The following NRXN1 variants were observed in gnomAD, a reference collection of about 807,000 sequenced individuals.
NRXN1 encodes the protein neurexin-1.
Under a neutral mutation model 150.9 loss-of-function variants are expected in NRXN1, and 39 were observed. The observed-to-expected ratio is 0.26, with a 90% CI of 0.20 to 0.34. The LOEUF (loss-of-function observed/expected upper bound fraction) is 0.34, where lower values mean the gene tolerates loss of function less well. Ranked by LOEUF, NRXN1 falls within the 10% of genes least tolerant of loss-of-function variation. The probability of loss-of-function intolerance (pLI) is 1.00; values close to 1 mark genes in which losing one functional copy is unlikely to be tolerated. For missense variants in NRXN1, 1,815 were observed against 1,949.9 expected (o/e 0.93, Z 1.30); for synonymous variants, 924 against 757.0 (o/e 1.22, Z -3.62).
intron 21 of NRXN1, chr2:49,973,005 A>C (rs923419237): frequency 6.6e-6 from 1 of 152,134 alleles, no homozygotes; most frequent in Non-Finnish European, 1.5e-5. Context: ...AATTCTCCAC[A>C]GGCCTAGGGA....
rs200494288 is a variant in NRXN1 at position 51,027,917 on chromosome 2, G to A, written c.357C>T (p.Ile119=). The change falls in exon 2 of 23, where the codon ATC becomes ATT. Residue 119 remains isoleucine (I), a synonymous_variant. Coordinates refer to ENST00000401669, the MANE Select transcript of NRXN1 (RefSeq NM_001330078.2). ...VNDGAWHSVR[I]RRQFRNTTLF... is the part of the protein sequence containing the mutation. ...GCGTGGTGTTGCGGAACTGGCGGCGGATGCGCACGCTGTGCCAGGCGCCGT... is the reference window on the plus strand; with the variant it reads ...GCGTGGTGTTGCGGAACTGGCGGCGAATGCGCACGCTGTGCCAGGCGCCGT... The A allele has an allele frequency of 2.5e-6, 4 of 1,607,594 alleles. No individual in the cohort carries two copies. The highest frequency in any genetic ancestry group is 3.4e-6 in the Non-Finnish European group (4 of 1,179,680).
At chr2:50,178,595 G>A (rs2060497608) in intron 18 of NRXN1, among the ~76,000 whole-genome samples, 1 of 151,952 alleles carries the variant, frequency 6.6e-6, no homozygotes, top group Admixed American at 6.6e-5. Flanking sequence ...AGTTTACAGA[G>A]GAATTTGGAT....
chr2:50,666,958 C>T (rs746645700), intron 5 of NRXN1, among the ~76,000 whole-genome samples: 2 of 151,578 alleles, frequency 1.3e-5, no homozygotes, highest in Non-Finnish European at 2.9e-5. Flanking sequence ...AGAACACACG[C>T]ATGGCGTGGT....
At chr2:50,373,262 G>A (rs1343082596) in intron 17 of NRXN1, among the ~76,000 whole-genome samples, 2 of 148,048 alleles carry the variant, frequency 1.4e-5, no homozygotes, top group Non-Finnish European at 3.0e-5. Flanking sequence ...TAAAGACCAG[G>A]ATGTCCATAT....
At chr2:50,407,533 GC>G (rs2082836784) in intron 17 of NRXN1, among the ~76,000 whole-genome samples, 1 of 152,020 alleles carries the variant, frequency 6.6e-6, no homozygotes, top group African/African-American at 2.4e-5. Context: ...CCCCAATATG[GC>G]AATATTGAGT....
At chr2:50,535,034 T>G (rs956056141) in intron 10 of NRXN1, among the ~76,000 whole-genome samples, 3 of 152,176 alleles carry the variant, frequency 2.0e-5, no homozygotes, top group Non-Finnish European at 4.4e-5. Flanking sequence ...TAATTCTCAA[T>G]GTGAAAATAA....
chr2:50,403,437 A>G (rs2082531834), intron 17 of NRXN1, among the ~76,000 whole-genome samples: 1 of 152,086 alleles, frequency 6.6e-6, no homozygotes, highest in South Asian at 2.1e-4. Flanking sequence ...ATTCTTACAT[A>G]TGTTCAGGTT....
intron 5 of NRXN1, among the ~76,000 whole-genome samples, chr2:50,868,303 C>T (rs913145862): frequency 4.2e-5 from 6 of 144,168 alleles, no homozygotes; most frequent in Non-Finnish European, 9.1e-5. Flanking sequence ...AACAGAAAGT[C>T]AAATACTTCA....
At chr2:50,352,458 G>A (rs1414081420) in intron 17 of NRXN1, among the ~76,000 whole-genome samples, 1 of 152,032 alleles carries the variant, frequency 6.6e-6, no homozygotes, top group African/African-American at 2.4e-5. Flanking sequence ...AAAATCAGCA[G>A]AGGGGAAATA....
chr2:50,639,439 T>C (rs1293477337), intron 5 of NRXN1, among the ~76,000 whole-genome samples: 1 of 151,950 alleles, frequency 6.6e-6, no homozygotes, highest in Non-Finnish European at 1.5e-5. Context: ...CAGGCTGGTC[T>C]CGAATGCCTG....
At chr2:50,528,577 C>T (rs746052305) in intron 12 of NRXN1, 48 bp downstream of exon 12, 4 of 1,074,246 alleles carry the variant, frequency 3.7e-6, no homozygotes, top group Non-Finnish European at 5.6e-6. Context: ...GACTAGCTTA[C>T]ATCATAATGG....
At chr2:50,680,927 T>C (rs540632278) in intron 5 of NRXN1, among the ~76,000 whole-genome samples, 2 of 152,296 alleles carry the variant, frequency 1.3e-5, no homozygotes, top group South Asian at 2.1e-4. Context: ...AGGAGGTTAG[T>C]AGACTTCATA....
In NRXN1 at chr2:50,249,604, A is replaced by C. The variant is rs1024161929; in HGVS notation, c.3365-12634T>G. 2.0e-5 allele frequency among the ~76,000 whole-genome samples: 3 copies of C among 151,934 alleles called. No individual in the cohort carries two copies. The East Asian group carries it at 5.8e-4, about 29-fold the overall frequency. On this transcript the variant is annotated intron_variant, in intron 17 of 22. Coordinates refer to ENST00000401669, the MANE Select transcript of NRXN1 (RefSeq NM_001330078.2). The stretch of plus-strand genomic sequence containing the variant: ...TCTGAAATCCAGCTTTTTCTCAACT[A>C]TCATGACCCATCCAAACACATGTCA...
intron 5 of NRXN1, among the ~76,000 whole-genome samples, chr2:50,776,633 G>GATATAT (rs146965004): frequency 7.0e-6 from 1 of 142,070 alleles, no homozygotes; most frequent in Non-Finnish European, 1.6e-5. Context: ...CATATAGTGA[G>GATATAT]ATATATATAT....
In NRXN1 at chr2:50,962,209, C is replaced by A. The variant is rs1001374975; in HGVS notation, c.773-36254G>T. Among the ~76,000 whole-genome samples, 5 of 151,668 alleles carry A rather than the reference C, an allele frequency of 3.3e-5. No individual in the cohort carries two copies. The Admixed American group carries it at 3.3e-4, about 10-fold the overall frequency. ...ATGTATTCTACATCTGTCTGTTCCA[C>A]AATTGAGATGTTCCTGCAGTTAATA... On this transcript the variant is annotated intron_variant, in intron 2 of 22. Coordinates refer to ENST00000401669, the MANE Select transcript of NRXN1 (RefSeq NM_001330078.2).
intron 18 of NRXN1, among the ~76,000 whole-genome samples, chr2:50,211,556 A>G (rs1286529673): frequency 1.3e-5 from 2 of 151,510 alleles, no homozygotes; most frequent in Non-Finnish European, 3.0e-5. Flanking sequence ...CAGCAAAAGA[A>G]ATGTGACGAT....
At chr2:50,647,684 C>T (rs1469772857) in intron 5 of NRXN1, among the ~76,000 whole-genome samples, 2 of 151,854 alleles carry the variant, frequency 1.3e-5, no homozygotes, top group South Asian at 2.1e-4. Context: ...GGGACAAGAA[C>T]AAAAATTTGT....
chr2:49,971,146 A>G (rs2152495503), intron 21 of NRXN1, among the ~76,000 whole-genome samples: 1 of 152,204 alleles, frequency 6.6e-6, no homozygotes, highest in East Asian at 1.9e-4. Context: ...CTTTTTTCCC[A>G]TTTGAAAACT....
At chr2:50,175,024 T>C (rs979083046) in intron 18 of NRXN1, 1 of 152,178 alleles carries the variant, frequency 6.6e-6, no homozygotes, top group African/African-American at 2.4e-5. Flanking sequence ...GCCTTCAAAT[T>C]ATATTTCATG....
Sources: gnomAD v4.1 joint callset for allele counts (sites outside exome capture counted in the v4.1 genomes callset) on GRCh38, gnomAD v4.1.1 for gene constraint, MANE v1.5 for transcripts, NCBI Gene and HGNC (gene_info 2026-07-23, HGNC 2026-07-21) for gene names.